The following PLEKHM3 variants were observed in gnomAD, a reference collection of about 807,000 sequenced individuals.
PLEKHM3 encodes pleckstrin homology domain-containing family M member 3.
A neutral mutation model predicts 81.8 loss-of-function variants in PLEKHM3; 45 were observed. That is an observed-to-expected ratio of 0.55 (90% CI 0.43 to 0.71). The LOEUF (loss-of-function observed/expected upper bound fraction) is 0.71, where lower values mean the gene tolerates loss of function less well. PLEKHM3 is among the 30% of genes least tolerant of loss of function. The probability of loss-of-function intolerance (pLI) is 0.00; values close to 1 mark genes in which losing one functional copy is unlikely to be tolerated. For missense variants in PLEKHM3, 788 were observed against 924.3 expected (o/e 0.85, Z 1.91); for synonymous variants, 352 against 356.4 (o/e 0.99, Z 0.14).
At chr2:207,884,867 T>A (rs977889254) in intron 6 of PLEKHM3, among the ~76,000 whole-genome samples, 1 of 152,200 alleles carries the variant, frequency 6.6e-6, no homozygotes, top group Non-Finnish European at 1.5e-5. Context: ...ATGATATTAG[T>A]CTGATAGGCC....
intron 7 of PLEKHM3, among the ~76,000 whole-genome samples, chr2:207,848,610 C>G (rs972396367): frequency 6.6e-6 from 1 of 152,152 alleles, no homozygotes; most frequent in South Asian, 2.1e-4. Flanking sequence ...TTTAAACAAG[C>G]CTTTATATGG....
chr2:207,982,253 C>A (rs542111352), intron 2 of PLEKHM3, among the ~76,000 whole-genome samples: 81 of 135,426 alleles, frequency 6.0e-4, no homozygotes, highest in Middle Eastern at 3.6e-3. Flanking sequence ...CGCTCCCCCC[C>A]TCCCTCGCTC....
chr2:207,898,767 G>A (rs564015008), intron 6 of PLEKHM3, among the ~76,000 whole-genome samples: 3 of 152,084 alleles, frequency 2.0e-5, no homozygotes, highest in South Asian at 2.1e-4. Context: ...GTGGTGGCGC[G>A]TGCCTATGGT....
chr2:207,841,596 C>G (rs2092354727), intron 7 of PLEKHM3, among the ~76,000 whole-genome samples: 1 of 143,720 alleles, frequency 7.0e-6, no homozygotes, highest in South Asian at 2.3e-4. Context: ...TAGAATTTAT[C>G]TTGATGTAAG....
chr2:208,001,827 G>C lies in PLEKHM3; in HGVS notation c.-188C>G. The C allele has an allele frequency of 1.1e-6, 1 of 880,758 alleles. No individual in the cohort carries two copies. The highest frequency in any genetic ancestry group is 1.8e-5 in the South Asian group (1 of 54,796). 54.6% of individuals were successfully genotyped at this position (880,758 alleles called of 1,614,324 possible). On this transcript the variant is annotated 5_prime_UTR_variant, in exon 2 of 8. Transcript: ENST00000427836. ...GTTTTCCTGGTAATTAAAAGCATTT[G>C]CTAGTGGCTAATGGGCATTAACAGA...
At chr2:207,873,772 A>G (rs1195080391) in intron 6 of PLEKHM3, among the ~76,000 whole-genome samples, 1 of 152,222 alleles carries the variant, frequency 6.6e-6, no homozygotes, top group Non-Finnish European at 1.5e-5. Context: ...ATGTTTAGAT[A>G]GCACTTTCGG....
intron 6 of PLEKHM3, among the ~76,000 whole-genome samples, chr2:207,880,419 A>AC (rs1048049915): frequency 6.7e-6 from 1 of 149,168 alleles, no homozygotes; most frequent in Non-Finnish European, 1.5e-5. Flanking sequence ...AGAAAAAAAA[A>AC]AAAACGCAAA....
rs183302216 is a variant in PLEKHM3 at position 207,976,190 on chromosome 2, A to G, written c.1546+461T>C. Among the ~76,000 whole-genome samples, 12 of 152,350 alleles carry G rather than the reference A, an allele frequency of 7.9e-5. No individual in the cohort carries two copies. Among genetic ancestry groups the G allele is most frequent in the Admixed American group, 7.2e-4 (11 of 15,308 alleles). ...AGATTTCACCTTAAGACGATTTGAC[A>G]AGGTCAAGATCAATGACAGTTACTG... On this transcript the variant is annotated intron_variant, in intron 3 of 7. Coordinates refer to ENST00000427836, the MANE Select transcript of PLEKHM3 (RefSeq NM_001080475.3). This position sits in a 1 kb window ranked among gnomAD's most constrained non-coding sequence, Gnocchi z 4.1.
chr2:208,005,822 T>C (rs1692475052), intron 1 of PLEKHM3, among the ~76,000 whole-genome samples: 1 of 152,224 alleles, frequency 6.6e-6, no homozygotes, highest in African/African-American at 2.4e-5. Context: ...CACACACGCA[T>C]GTGCATGCGT....
chr2:207,841,477 A>T (rs2092352722), intron 7 of PLEKHM3, among the ~76,000 whole-genome samples: 1 of 48,744 alleles, frequency 2.1e-5, no homozygotes, highest in Admixed American at 2.1e-4. Flanking sequence ...AAAAAAAAAA[A>T]AAAATATATA....
intron 3 of PLEKHM3, among the ~76,000 whole-genome samples, chr2:207,959,598 C>T (rs907927109): frequency 1.3e-5 from 2 of 152,190 alleles, no homozygotes; most frequent in South Asian, 2.1e-4. Context: ...ATGCCTGCTT[C>T]TCTTTCCTCA....
chr2:207,852,858 G>GAA (rs35197426), intron 7 of PLEKHM3: 3 of 385,474 alleles, frequency 7.8e-6, no homozygotes, highest in Admixed American at 3.4e-5. Context: ...AAGAAAAAAA[G>GAA]AAAAAAAAAA....
intron 1 of PLEKHM3, chr2:208,019,722 T>C (rs1574497310): frequency 6.6e-6 from 1 of 152,268 alleles, no homozygotes; most frequent in Non-Finnish European, 1.5e-5. Flanking sequence ...TTTTAATGTA[T>C]GTGCTGCCAA....
chr2:207,914,140 C>T (rs936981384), intron 5 of PLEKHM3, among the ~76,000 whole-genome samples: 2 of 151,968 alleles, frequency 1.3e-5, no homozygotes, highest in Non-Finnish European at 2.9e-5. Context: ...ATCACTTGAG[C>T]TCAGGAGTTT....
chr2:207,884,868 C>G (rs1189840046), intron 6 of PLEKHM3, among the ~76,000 whole-genome samples: 1 of 152,212 alleles, frequency 6.6e-6, no homozygotes, highest in Non-Finnish European at 1.5e-5. Context: ...TGATATTAGT[C>G]TGATAGGCCT....
At chr2:207,929,864 A>G in intron 5 of PLEKHM3, 1 of 692,626 alleles carries the variant, frequency 1.4e-6, no homozygotes, top group Non-Finnish European at 2.6e-6. Flanking sequence ...TCACTTCAAT[A>G]CTTTCCAAAA....
chr2:207,928,416 A>G (rs1184794024), intron 5 of PLEKHM3, among the ~76,000 whole-genome samples: 1 of 152,240 alleles, frequency 6.6e-6, no homozygotes, highest in African/African-American at 2.4e-5. Context: ...GGTGGCTTTT[A>G]AGTGGAATAT....
At chr2:207,838,985 A>G (rs1464498906) in intron 7 of PLEKHM3, among the ~76,000 whole-genome samples, 1 of 152,214 alleles carries the variant, frequency 6.6e-6, no homozygotes, top group Non-Finnish European at 1.5e-5. Flanking sequence ...ATACGAGATT[A>G]TTAGGCGAAT....
intron 3 of PLEKHM3, among the ~76,000 whole-genome samples, chr2:207,973,451 TC>T (rs1197677037): frequency 1.3e-5 from 2 of 152,130 alleles, no homozygotes; most frequent in Admixed American, 1.3e-4. Context: ...AAACCAGAGT[TC>T]AGCCTGGCAC....
Sources: allele counts gnomAD v4.1 joint callset (sites outside exome capture counted in the v4.1 genomes callset), GRCh38; gene constraint gnomAD v4.1.1; non-coding constraint Gnocchi (gnomAD v3.1); transcripts MANE v1.5; gene names NCBI Gene and HGNC (gene_info 2026-07-23, HGNC 2026-07-21).